Variants in CAMTA1 observed in about 807,000 individuals in gnomAD.
CAMTA1 encodes the protein calmodulin binding transcription activator 1.
In CAMTA1, 27 loss-of-function variants were observed where a neutral mutation model predicts 170.9. That is an observed-to-expected ratio of 0.16 (90% confidence interval 0.12 to 0.22). CAMTA1 has a LOEUF of 0.22. Among genes scored for constraint, CAMTA1 ranks in the 10% least tolerant of loss-of-function variants. CAMTA1 has a pLI of 1.00. For missense variants in CAMTA1, 1,619 were observed against 2,217.2 expected, an observed-to-expected ratio of 0.73 and a Z score of 5.42; for synonymous variants, 833 against 891.5, an observed-to-expected ratio of 0.93 and a Z score of 1.17.
intron 3 of CAMTA1, among the ~76,000 whole-genome samples, chr1:6,929,181 T>C (rs1238109513): frequency 6.6e-6 from 1 of 152,146 alleles, no homozygotes; most frequent in Non-Finnish European, 1.5e-5. Flanking sequence ...TTGTTTTGTT[T>C]CGTTTCGTTT....
intron 4 of CAMTA1, among the ~76,000 whole-genome samples, chr1:7,094,982 T>C (rs1281541616): frequency 6.6e-6 from 1 of 152,024 alleles, no homozygotes; most frequent in African/African-American, 2.4e-5. Context: ...CAGCTCCTCC[T>C]GCAGGCCTTG....
At chr1:7,122,807 C>T (rs912135935) in intron 4 of CAMTA1, among the ~76,000 whole-genome samples, 9 of 152,164 alleles carry the variant, frequency 5.9e-5, no homozygotes, top group Admixed American at 2.0e-4. Flanking sequence ...AGCTTGGTGT[C>T]GCCCGAGTCT....
intron 5 of CAMTA1, among the ~76,000 whole-genome samples, chr1:7,304,755 CTT>C (rs913988730): frequency 6.6e-5 from 10 of 151,626 alleles, no homozygotes; most frequent in African/African-American, 2.4e-4. Context: ...AGAAGATGCT[CTT>C]TATATATTAC....
At chr1:7,220,657 G>T (rs1660584385) in intron 4 of CAMTA1, among the ~76,000 whole-genome samples, 1 of 152,192 alleles carries the variant, frequency 6.6e-6, no homozygotes, top group Non-Finnish European at 1.5e-5. Context: ...GAGGGTTAAG[G>T]CCTCAGATAG....
At position 7,654,633 on chromosome 1, in the gene CAMTA1, TAC is replaced by T. The variant is rs949128395; in HGVS notation, c.665-7085_665-7084del. ...CTATACACACAAACACACCCATCTA[TAC>T]ACACACAAGCACACACCTATACACA... On this transcript the variant is annotated intron_variant, in intron 7 of 22. Coordinates refer to ENST00000303635, the MANE Select transcript of CAMTA1 (RefSeq NM_015215.4). 5.4e-5 allele frequency among the ~76,000 whole-genome samples: 7 copies of T among 129,124 alleles called. No individual in the cohort carries two copies. The East Asian group carries it at 7.6e-4, about 14-fold the overall frequency. The allele number at this position is 129,124 out of a possible 152,430, so 84.7% of individuals were successfully genotyped here. A position where few individuals can be genotyped will look rare whatever the true frequency, so the allele number is the denominator to read the frequency against.
chr1:7,034,687 G>A (rs1410458892), intron 3 of CAMTA1, among the ~76,000 whole-genome samples: 1 of 152,172 alleles, frequency 6.6e-6, no homozygotes, highest in Non-Finnish European at 1.5e-5. Context: ...GCCCTCCTGT[G>A]CCATGGTTTG....
intron 5 of CAMTA1, among the ~76,000 whole-genome samples, chr1:7,423,798 C>A (rs2091724544): frequency 6.6e-6 from 1 of 152,076 alleles, no homozygotes; most frequent in Admixed American, 6.6e-5. Flanking sequence ...GGATTTTGCA[C>A]CTGCTCTTTT....
At chr1:7,070,250 A>G (rs1638460249) in intron 3 of CAMTA1, among the ~76,000 whole-genome samples, 1 of 152,162 alleles carries the variant, frequency 6.6e-6, no homozygotes, top group Non-Finnish European at 1.5e-5. Flanking sequence ...GCAGCTACGG[A>G]GGGGCCAGAA....
chr1:6,854,224 T>A (rs1485504949), intron 3 of CAMTA1, among the ~76,000 whole-genome samples: 1 of 152,236 alleles, frequency 6.6e-6, no homozygotes, highest in African/African-American at 2.4e-5. Context: ...TGTCATAGTG[T>A]AACACATTAC....
chr1:7,145,797 A>C (rs1178705614), intron 4 of CAMTA1, among the ~76,000 whole-genome samples: 1 of 152,174 alleles, frequency 6.6e-6, no homozygotes, highest in East Asian at 1.9e-4. Flanking sequence ...TGCAAGCATG[A>C]AGCCTCCCAT....
chr1:7,072,532 T>C (rs1022410158), intron 3 of CAMTA1, among the ~76,000 whole-genome samples: 1 of 152,260 alleles, frequency 6.6e-6, no homozygotes, highest in South Asian at 2.1e-4. Context: ...TGCATTCCAG[T>C]GAGGACTAGA....
At chr1:6,950,460 T>C (rs1174470469) in intron 3 of CAMTA1, among the ~76,000 whole-genome samples, 1 of 152,126 alleles carries the variant, frequency 6.6e-6, no homozygotes, top group Non-Finnish European at 1.5e-5. Flanking sequence ...CCAAAACTCA[T>C]ATCAGAATAG....
intron 3 of CAMTA1, among the ~76,000 whole-genome samples, chr1:7,012,351 C>T (rs1166003928): frequency 6.6e-6 from 1 of 152,216 alleles, no homozygotes; most frequent in Non-Finnish European, 1.5e-5. Context: ...AGATCTGCCA[C>T]TTTCTTTCTG....
intron 5 of CAMTA1, among the ~76,000 whole-genome samples, chr1:7,319,341 C>T (rs1193945488): frequency 6.6e-6 from 1 of 152,080 alleles, no homozygotes; most frequent in Non-Finnish European, 1.5e-5. Context: ...CAGATTCCCC[C>T]TTGGTGCTAT....
intron 4 of CAMTA1, among the ~76,000 whole-genome samples, chr1:7,183,360 A>G (rs940967506): frequency 3.3e-5 from 5 of 152,192 alleles, no homozygotes; most frequent in Non-Finnish European, 5.9e-5. Context: ...ACCATATTTC[A>G]ACATGAGATT....
Position 7,745,699 on chromosome 1 carries a change from T to C in CAMTA1, c.4371-146T>C. 12 of 893,296 alleles carry C rather than the reference T, an allele frequency of 1.3e-5. No individual in the cohort carries two copies. In the South Asian group the frequency reaches 1.9e-4, roughly 14 times the overall value. 55.3% of individuals were successfully genotyped at this position (893,296 alleles called of 1,614,324 possible). ...TCAATCGAAGGACACTGGGTATGTTTAGCAACTTGCCTAACTGAATGAAGG... is the reference window on the plus strand; with the variant it reads ...TCAATCGAAGGACACTGGGTATGTTCAGCAACTTGCCTAACTGAATGAAGG... On this transcript the variant is annotated intron_variant, in intron 17 of 22. Transcript: ENST00000303635.
chr1:7,704,783 G>A (rs1242698145), intron 11 of CAMTA1, among the ~76,000 whole-genome samples: 14 of 148,058 alleles, frequency 9.5e-5, no homozygotes, highest in African/African-American at 2.9e-4. Context: ...GGAGCTGAGC[G>A]GGCGCGGGGC....
At chr1:7,271,693 A>G (rs1355860412) in intron 5 of CAMTA1, among the ~76,000 whole-genome samples, 1 of 152,118 alleles carries the variant, frequency 6.6e-6, no homozygotes, top group Admixed American at 6.6e-5. Flanking sequence ...AAGGGAGAAA[A>G]GAGCTAAAAA....
chr1:6,796,842 C>T (rs1465878059), intron 1 of CAMTA1, among the ~76,000 whole-genome samples: 3 of 152,130 alleles, frequency 2.0e-5, no homozygotes, highest in Non-Finnish European at 4.4e-5. Context: ...GCCTCCGGCC[C>T]ATAGTATCTT....
Sources: allele counts gnomAD v4.1 joint callset (sites outside exome capture counted in the v4.1 genomes callset), GRCh38; gene constraint gnomAD v4.1.1; transcripts MANE v1.5; gene names NCBI Gene and HGNC (gene_info 2026-07-23, HGNC 2026-07-21).